Variants in MICU2 observed in about 807,000 individuals in gnomAD.
The protein encoded by MICU2 is mitochondrial calcium uptake 2.
In MICU2, 64 loss-of-function variants were observed where a neutral mutation model predicts 60.4. The observed-to-expected ratio is 1.06, with a 90% CI of 0.87 to 1.31. The LOEUF (loss-of-function observed/expected upper bound fraction) is 1.31, where lower values mean the gene tolerates loss of function less well. Among genes scored for constraint, MICU2 ranks in the 50% most tolerant of loss-of-function variants. The pLI, the probability that MICU2 is intolerant of heterozygous loss-of-function variation, is 0.00. For synonymous variants in MICU2, 201 were observed against 175.0 expected, an observed-to-expected ratio of 1.15 and a Z score of -1.17; for missense variants, 569 against 531.0, an observed-to-expected ratio of 1.07 and a Z score of -0.70.
chr13:21,541,250 G>C (rs2138003562), intron 2 of MICU2, among the ~76,000 whole-genome samples: 1 of 151,214 alleles, frequency 6.6e-6, no homozygotes, highest in African/African-American at 2.4e-5. Context: ...TCAAAAATCT[G>C]TTAAAAAAAA....
At position 21,502,904 on chromosome 13, in the gene MICU2, CATA is replaced by C; in HGVS notation, c.933+19_933+21del. 6.4e-7 allele frequency: 1 copy of C among 1,574,474 alleles called. No individual in the cohort carries two copies. The highest frequency in any genetic ancestry group is 8.6e-7 in the Non-Finnish European group (1 of 1,160,552). ...CTTATTATTTCATCTTTATCACATG[CATA>C]ATAAAAGGGTATACCAACCTCTCCT... On this transcript the variant is annotated intron_variant, in intron 9 of 11. Transcript: ENST00000382374.
chr13:21,495,459 G>A (rs1446696778), intron 10 of MICU2, 141 bp from the exon 11 acceptor site: 1 of 781,052 alleles, frequency 1.3e-6, no homozygotes, highest in African/African-American at 1.7e-5. Context: ...AAATACCCAT[G>A]AAGAAAATAT....
Position 21,496,035 on chromosome 13 carries a change from T to C in MICU2, c.1042+17A>G, listed in dbSNP as rs768524232. 3.2e-6 allele frequency: 5 copies of C among 1,566,328 alleles called. No homozygotes were observed. The East Asian group carries it at 1.1e-4, about 35-fold the overall frequency. On this transcript the variant is annotated intron_variant, in intron 10 of 11. Transcript: ENST00000382374. ...TTTATAGATGATAAAAATTAAATGG[T>C]TTTTCATATAACTTACCTAGTCTGA... is the stretch of plus-strand genomic sequence containing the variant.
intron 9 of MICU2, among the ~76,000 whole-genome samples, chr13:21,498,417 C>T (rs906514295): frequency 1.6e-4 from 20 of 126,748 alleles, no homozygotes; most frequent in Non-Finnish European, 3.0e-4. Flanking sequence ...CTCGCTCTGT[C>T]ACCCAGGCTG....
chr13:21,549,794 T>G (rs1219872553), intron 2 of MICU2, among the ~76,000 whole-genome samples: 2 of 152,200 alleles, frequency 1.3e-5, no homozygotes, highest in African/African-American at 4.8e-5. Context: ...TAACCACAAG[T>G]ATGCTGAACA....
intron 1 of MICU2, among the ~76,000 whole-genome samples, chr13:21,586,768 T>C (rs780719274): frequency 6.6e-6 from 1 of 152,208 alleles, no homozygotes; most frequent in African/African-American, 2.4e-5. Flanking sequence ...ATTACTCTCA[T>C]TTTTCTCTCC....
At chr13:21,502,811 T>C (rs897412814) in intron 9 of MICU2, 115 bp downstream of exon 9, 7 of 969,854 alleles carry the variant, frequency 7.2e-6, no homozygotes, top group Non-Finnish European at 9.2e-6. Flanking sequence ...CTCAAGTTGA[T>C]TTTATATACC....
chr13:21,587,118 G>C (rs117095826), intron 1 of MICU2, among the ~76,000 whole-genome samples: 1 of 152,168 alleles, frequency 6.6e-6, no homozygotes, highest in African/African-American at 2.4e-5. Flanking sequence ...TGCCAGGGAC[G>C]AGGGGAGGAG....
chr13:21,504,331 CA>C (rs1415816453), intron 8 of MICU2, among the ~76,000 whole-genome samples: 1 of 151,876 alleles, frequency 6.6e-6, no homozygotes, highest in East Asian at 1.9e-4. Flanking sequence ...CTGAATTAGG[CA>C]AGCAGAAGAT....
At position 21,592,248 on chromosome 13, in the gene MICU2, A is replaced by C. The variant is rs531145325; in HGVS notation, c.210+11691T>G. 3.3e-5 allele frequency among the ~76,000 whole-genome samples: 5 copies of C among 152,326 alleles called. No individual in the cohort carries two copies. The South Asian group carries it at 1.0e-3, about 32-fold the overall frequency. On this transcript the variant is annotated intron_variant, in intron 1 of 11. Coordinates refer to ENST00000382374, the MANE Select transcript of MICU2 (RefSeq NM_152726.3). ...ATACTATAAACACCTCTACGCAAATAAACTAGAAAATCTAGAAGAAATGGA... is the reference window on the plus strand; with the variant it reads ...ATACTATAAACACCTCTACGCAAATCAACTAGAAAATCTAGAAGAAATGGA...
intron 4 of MICU2, among the ~76,000 whole-genome samples, chr13:21,531,499 G>GT (rs1470045069): frequency 2.0e-5 from 3 of 152,162 alleles, no homozygotes; most frequent in Non-Finnish European, 2.9e-5. Context: ...CAGACTAGCT[G>GT]TAAGTAATGG....
In MICU2 at chr13:21,539,316, T is replaced by C; in HGVS notation, c.452A>G (p.Asp151Gly). ...ACCAAAATTACCTTTATCGCCAAGG[T>C]CTCTGAAAAAAGTTGATCCACAGCC... is the stretch of plus-strand genomic sequence containing the variant. ...TAGCGSTFFRDLGDKGLISYT... is the reference protein window; with the variant it reads ...TAGCGSTFFRGLGDKGLISYT... Residue 151 changes from aspartate (D) to glycine (G), a missense_variant, in exon 4 of 12, where the codon GAC becomes GGC. Asp to Gly is a moderately conservative substitution (Grantham distance 94). Transcript: ENST00000382374. The C allele has an allele frequency of 3.1e-6, 5 of 1,613,858 alleles. No individual in the cohort carries two copies. The highest frequency in any genetic ancestry group is 3.4e-6 in the Non-Finnish European group (4 of 1,179,914).
At chr13:21,539,865 G>A (rs562296270) in intron 2 of MICU2, among the ~76,000 whole-genome samples, 177 bp from the exon 3 acceptor site, 19 of 152,252 alleles carry the variant, frequency 1.2e-4, no homozygotes, top group African/African-American at 3.9e-4. Flanking sequence ...AGAATTCTAA[G>A]ACTAAACACA....
At chr13:21,594,814 T>C (rs984752003) in intron 1 of MICU2, among the ~76,000 whole-genome samples, 2 of 151,998 alleles carry the variant, frequency 1.3e-5, no homozygotes, top group African/African-American at 4.8e-5. Context: ...CACTCATAAA[T>C]GGAAGCTGAA....
At chr13:21,524,866 T>TA (rs2138170953) in intron 4 of MICU2, among the ~76,000 whole-genome samples, 1 of 152,364 alleles carries the variant, frequency 6.6e-6, no homozygotes, top group Admixed American at 6.5e-5. Flanking sequence ...AGATGAATCA[T>TA]ACGATATTTG....
chr13:21,577,948 C>T (rs909075133), intron 1 of MICU2, among the ~76,000 whole-genome samples: 41 of 151,360 alleles, frequency 2.7e-4, no homozygotes, highest in Middle Eastern at 3.4e-3. Flanking sequence ...CACTGCACTC[C>T]GGCCTGGGTG....
intron 6 of MICU2, among the ~76,000 whole-genome samples, chr13:21,519,919 T>C (rs1886675212): frequency 6.6e-6 from 1 of 152,220 alleles, no homozygotes; most frequent in Non-Finnish European, 1.5e-5. Flanking sequence ...GGATGAGTTT[T>C]GACAAATTTA....
chr13:21,511,321 G>C (rs753784316), intron 7 of MICU2, among the ~76,000 whole-genome samples: 1 of 152,168 alleles, frequency 6.6e-6, no homozygotes, highest in Non-Finnish European at 1.5e-5. Flanking sequence ...TCTGGATAGA[G>C]CATGGGCATG....
rs140551733 is a variant in MICU2 at position 21,508,274 on chromosome 13, T to C, written c.761+1730A>G. Among the ~76,000 whole-genome samples the C allele has an allele frequency of 5.3e-3, 813 of 152,092 alleles. 15 individuals carry two copies. Among genetic ancestry groups the C allele is most frequent in the African/African-American group, 0.018 (763 of 41,494 alleles). ...CCAAGTAGCAGGGTCTACAGGTGCC[T>C]GCCACCATGCCTGGCTAATTTTTTG... On this transcript the variant is annotated intron_variant, in intron 8 of 11. Coordinates refer to ENST00000382374, the MANE Select transcript of MICU2 (RefSeq NM_152726.3).
Sources: gnomAD v4.1 joint callset for allele counts (sites outside exome capture counted in the v4.1 genomes callset) on GRCh38, gnomAD v4.1.1 for gene constraint, MANE v1.5 for transcripts, NCBI Gene and HGNC (gene_info 2026-07-23, HGNC 2026-07-21) for gene names.